Variants in DCBLD2 observed in about 807,000 individuals in gnomAD.
DCBLD2 encodes the protein discoidin, CUB and LCCL domain-containing protein 2.
DCBLD2 carries 54 observed loss-of-function variants against 86.8 expected under a neutral mutation model. That is an observed-to-expected ratio of 0.62 (90% confidence interval 0.50 to 0.78). DCBLD2 has a LOEUF of 0.78. Among genes scored for constraint, DCBLD2 ranks in the 30% least tolerant of loss-of-function variants. The probability of loss-of-function intolerance (pLI) is 0.00; values close to 1 mark genes in which losing one functional copy is unlikely to be tolerated. For missense variants in DCBLD2, 908 were observed against 954.2 expected, an observed-to-expected ratio of 0.95 and a Z score of 0.64; for synonymous variants, 354 against 341.3, an observed-to-expected ratio of 1.04 and a Z score of -0.41.
At chr3:98,886,722 A>C (rs758745368) in intron 1 of DCBLD2, among the ~76,000 whole-genome samples, 1 of 151,866 alleles carries the variant, frequency 6.6e-6, no homozygotes, top group Non-Finnish European at 1.5e-5. Flanking sequence ...TACTCATAGA[A>C]CATGTGTTCA....
At chr3:98,820,175 A>G in intron 7 of DCBLD2, 73 bp downstream of exon 7, 1 of 951,464 alleles carries the variant, frequency 1.1e-6, no homozygotes, top group South Asian at 4.1e-5. Flanking sequence ...TAAATCAGCA[A>G]CTGACACAGT....
chr3:98,811,049 T>A, intron 12 of DCBLD2, 145 bp downstream of exon 12: 1 of 913,672 alleles, frequency 1.1e-6, no homozygotes, highest in South Asian at 2.4e-5. Context: ...TCTTTTCCTA[T>A]GAAAGAAAAT....
At position 98,799,761 on chromosome 3, in the gene DCBLD2, C is replaced by G. The variant is rs778285579; in HGVS notation, c.1939G>C (p.Ala647Pro). ...TAAGGATCTAGGTCTGCATAGCCTG[C>G]TTCTTTTCCTTCTTCTGGTTTAAAG... ...STFKPEEGKEAGYADLDPYNS... is the reference protein window; with the variant it reads ...STFKPEEGKEPGYADLDPYNS... The change falls in exon 16 of 16, where the codon GCA becomes CCA. Residue 647 changes from alanine (A) to proline (P), a missense_variant. Ala to Pro is a conservative substitution (Grantham distance 27, BLOSUM62 -1). Around this residue, in one of 3 missense-constraint regions of DCBLD2, gnomAD observed 606 missense variants for 678.5 expected, o/e 0.89. Transcript: ENST00000326840. 5.6e-6 allele frequency: 9 copies of G among 1,613,928 alleles called. No individual in the cohort carries two copies. Among genetic ancestry groups the G allele is most frequent in the Non-Finnish European group, 7.6e-6 (9 of 1,179,860 alleles).
At chr3:98,851,374 C>T (rs1942833587) in intron 2 of DCBLD2, among the ~76,000 whole-genome samples, 1 of 152,104 alleles carries the variant, frequency 6.6e-6, no homozygotes, top group Non-Finnish European at 1.5e-5. Context: ...CCTAGGAATA[C>T]AACTTACAAG....
At chr3:98,887,997 C>G (rs1045815258) in intron 1 of DCBLD2, among the ~76,000 whole-genome samples, 2 of 152,008 alleles carry the variant, frequency 1.3e-5, no homozygotes, top group South Asian at 4.1e-4. Flanking sequence ...TCTACCTCCC[C>G]CAAAACCCTG....
rs952400984 is a variant in DCBLD2, at chr3:98,838,536, G to A, written c.571+10925C>T. On this transcript the variant is annotated intron_variant, in intron 3 of 15. Transcript: ENST00000326840. Reference sequence around the variant, plus strand: ...TCACTTCCTAGATGGGATGGCGGCCGGGCGGAGACGCTCCTCACTTTCCAG... The same window carrying A: ...TCACTTCCTAGATGGGATGGCGGCCAGGCGGAGACGCTCCTCACTTTCCAG... Among the ~76,000 whole-genome samples the A allele has an allele frequency of 3.2e-3, 466 of 146,472 alleles. 5 individuals are homozygous for A. The highest frequency in any genetic ancestry group is 0.012 in the African/African-American group (457 of 39,688).
intron 1 of DCBLD2, among the ~76,000 whole-genome samples, chr3:98,894,853 T>C (rs1301486696): frequency 1.3e-5 from 2 of 151,964 alleles, no homozygotes; most frequent in Non-Finnish European, 1.5e-5. Flanking sequence ...ATGATAAGTA[T>C]TAGAAATAAG....
rs1205660405 is a variant in DCBLD2, at chr3:98,870,745, GAAAGAA to G, written c.433+10789_433+10794del. ...GGAAAAGAAAAGAAAGAAAAAGAAAGAAAGAAAGAAAGAAAGAAAGAAAGAAAGAAA... is the reference window on the plus strand; with the variant it reads ...GGAAAAGAAAAGAAAGAAAAAGAAAGAGAAAGAAAGAAAGAAAGAAAGAAA... On this transcript the variant is annotated intron_variant, in intron 2 of 15. Coordinates refer to ENST00000326840, the MANE Select transcript of DCBLD2 (RefSeq NM_080927.4). 1.6e-3 allele frequency among the ~76,000 whole-genome samples: 126 copies of G among 79,656 alleles called. 1 individual carries two copies. Among genetic ancestry groups the G allele is most frequent in the Non-Finnish European group, 2.6e-3 (100 of 37,808 alleles). The allele number at this position is 79,656 out of a possible 152,430, so 52.3% of individuals were successfully genotyped here.
At chr3:98,865,830 G>A (rs952271135) in intron 2 of DCBLD2, among the ~76,000 whole-genome samples, 1 of 151,688 alleles carries the variant, frequency 6.6e-6, no homozygotes, top group Admixed American at 6.6e-5. Flanking sequence ...ATTTACATTA[G>A]GTATATCTCC....
In DCBLD2 at chr3:98,799,363, G is replaced by A. The variant is rs780175803; in HGVS notation, c.*9C>T. On this transcript the variant is annotated 3_prime_UTR_variant, in exon 16 of 16. Coordinates refer to ENST00000326840, the MANE Select transcript of DCBLD2 (RefSeq NM_080927.4). ...TTAAAACGATGCTTTGTAAAAAGCAGCATCATCTTCAAAGGATTTCTTTAA... is the reference window on the plus strand; with the variant it reads ...TTAAAACGATGCTTTGTAAAAAGCAACATCATCTTCAAAGGATTTCTTTAA... The A allele has an allele frequency of 1.4e-5, 23 of 1,590,112 alleles. No homozygotes were observed. The highest frequency in any genetic ancestry group is 1.7e-5 in the Non-Finnish European group (20 of 1,167,816).
At chr3:98,825,200 A>G (rs1031475154) in intron 4 of DCBLD2, 115 bp downstream of exon 4, 1 of 710,318 alleles carries the variant, frequency 1.4e-6, no homozygotes, top group Non-Finnish European at 2.1e-6. Flanking sequence ...CGGAACAATG[A>G]TATGTATCAC....
intron 1 of DCBLD2, among the ~76,000 whole-genome samples, chr3:98,890,801 T>C (rs1396692396): frequency 1.3e-5 from 2 of 152,060 alleles, no homozygotes; most frequent in Non-Finnish European, 2.9e-5. Context: ...ATGTTGCTAT[T>C]CTTCAGAGTT....
In DCBLD2 at chr3:98,901,355, T is replaced by G; in HGVS notation, c.-29A>C. On this transcript the variant is annotated 5_prime_UTR_variant, in exon 1 of 16. Transcript: ENST00000326840. ...GGCGGCCGGCAGTCTGCCTGCATAG[T>G]GCGGGTGCCTCGGCAGCCCCGCGCG... The G allele has an allele frequency of 2.3e-6, 3 of 1,308,050 alleles. No individual in the cohort carries two copies. Among genetic ancestry groups the G allele is most frequent in the Non-Finnish European group, 1.9e-6 (2 of 1,036,420 alleles). The allele number at this position is 1,308,050 out of a possible 1,614,324, so 81.0% of individuals were successfully genotyped here. A position where few individuals can be genotyped will look rare whatever the true frequency, so the allele number is the denominator to read the frequency against.
At chr3:98,836,844 C>T (rs1942469606) in intron 3 of DCBLD2, among the ~76,000 whole-genome samples, 4 of 65,550 alleles carry the variant, frequency 6.1e-5, no homozygotes, top group African/African-American at 2.3e-4. Flanking sequence ...ACCTCCCTCC[C>T]GGACGGGGCG....
At position 98,798,738 on chromosome 3, in the gene DCBLD2, A is replaced by G. The variant is rs1407220870; in HGVS notation, c.*634T>C. On this transcript the variant is annotated 3_prime_UTR_variant, in exon 16 of 16. Transcript: ENST00000326840. ...GAACACGCAAGGATGAGACCAGGCCATATACTGTGAAGCATTAAAGCTCTA... is the reference window on the plus strand; with the variant it reads ...GAACACGCAAGGATGAGACCAGGCCGTATACTGTGAAGCATTAAAGCTCTA... The G allele has an allele frequency of 1.3e-5, 2 of 152,382 alleles. No individual in the cohort carries two copies. Among genetic ancestry groups the G allele is most frequent in the Non-Finnish European group, 2.9e-5 (2 of 68,162 alleles). The allele number at this position is 152,382 out of a possible 1,614,324, so 9.4% of individuals were successfully genotyped here.
rs1427998306 is a variant in DCBLD2, at chr3:98,881,514, T to C, written c.433+26A>G. ...TCATTGAGACAATGATGTATTTACA[T>C]GTACATTTACAAAAAAAAGTCCTAC... On this transcript the variant is annotated intron_variant, in intron 2 of 15. Transcript: ENST00000326840. 8 of 1,578,974 alleles carry C rather than the reference T, an allele frequency of 5.1e-6. No individual in the cohort carries two copies. In the Admixed American group the frequency reaches 6.7e-5, roughly 13 times the overall value.
At chr3:98,891,793 T>C (rs1462115848) in intron 1 of DCBLD2, among the ~76,000 whole-genome samples, 25 of 152,108 alleles carry the variant, frequency 1.6e-4, no homozygotes, top group Admixed American at 1.6e-3. Context: ...AAGAATAACG[T>C]CCCTCCTCCT....
At chr3:98,897,502 T>C (rs1029588757) in intron 1 of DCBLD2, among the ~76,000 whole-genome samples, 1 of 152,158 alleles carries the variant, frequency 6.6e-6, no homozygotes, top group Admixed American at 6.5e-5. Context: ...GAAAAATAAT[T>C]ACAAATGTTT....
intron 2 of DCBLD2, among the ~76,000 whole-genome samples, chr3:98,865,962 C>T (rs375290187): frequency 1.0e-4 from 15 of 149,564 alleles, no homozygotes; most frequent in South Asian, 2.1e-4. Flanking sequence ...ATGCGGTGTT[C>T]GGTTTTTTGT....
Sources: gnomAD v4.1 joint callset for allele counts (sites outside exome capture counted in the v4.1 genomes callset) on GRCh38, gnomAD v4.1.1 for gene constraint, gnomAD v4.1.1 regional missense constraint, MANE v1.5 for transcripts, NCBI Gene and HGNC (gene_info 2026-07-23, HGNC 2026-07-21) for gene names.